Variants in RNF24 observed in about 807,000 individuals in gnomAD.
RNF24 encodes ring finger protein 24.
Under a neutral mutation model 20.0 loss-of-function variants are expected in RNF24, and 14 were observed. The observed-to-expected ratio is 0.70, with a 90% CI of 0.46 to 1.10. The LOEUF (loss-of-function observed/expected upper bound fraction) is 1.10. Ranked by LOEUF, RNF24 falls within the 50% of genes least tolerant of loss-of-function variation. The probability of loss-of-function intolerance (pLI) is 0.00; values close to 1 mark genes in which losing one functional copy is unlikely to be tolerated. For synonymous variants in RNF24, 45 were observed against 61.1 expected, an observed-to-expected ratio of 0.74 and a Z score of 1.23; for missense variants, 124 against 177.6, an observed-to-expected ratio of 0.70 and a Z score of 1.71.
chr20:3,970,630 A>G (rs2091305351), intron 1 of RNF24, among the ~76,000 whole-genome samples: 1 of 152,214 alleles, frequency 6.6e-6, no homozygotes, highest in African/African-American at 2.4e-5. Flanking sequence ...TCAGCAAAGA[A>G]ACAGAAGATA....
chr20:3,998,577 A>C (rs1343449891), intron 1 of RNF24, among the ~76,000 whole-genome samples: 4 of 29,132 alleles, frequency 1.4e-4, no homozygotes, highest in Non-Finnish European at 3.8e-4. Context: ...TCTATCTCAA[A>C]AAAAAAAAAA....
intron 4 of RNF24, among the ~76,000 whole-genome samples, chr20:3,939,988 C>T (rs1035055718): frequency 6.6e-6 from 1 of 151,350 alleles, no homozygotes; most frequent in Admixed American, 6.6e-5. Context: ...GGTGGAGTTT[C>T]GCTTTTGTTG....
chr20:3,949,532 A>G lies in RNF24; in HGVS notation c.144-1253T>C, dbSNP rs1297479256. 2.2e-4 allele frequency among the ~76,000 whole-genome samples: 33 copies of G among 151,984 alleles called. 1 individual carries two copies. The highest frequency in any genetic ancestry group is 1.5e-5 in the Non-Finnish European group (1 of 68,006). On this transcript the variant is annotated intron_variant, in intron 2 of 5. Transcript: ENST00000358395. ...AAAACCTCATCTGTACAAAAAATACAATTAGCTGGGCATGGTGGCGTGTGG... is the reference window on the plus strand; with the variant it reads ...AAAACCTCATCTGTACAAAAAATACGATTAGCTGGGCATGGTGGCGTGTGG...
chr20:3,994,669 T>C (rs935756916), intron 1 of RNF24, among the ~76,000 whole-genome samples: 1 of 152,210 alleles, frequency 6.6e-6, no homozygotes, highest in Non-Finnish European at 1.5e-5. Context: ...CTTTGGACCC[T>C]GTTGAAGCTA....
At chr20:3,991,939 C>T (rs1462638124) in intron 1 of RNF24, among the ~76,000 whole-genome samples, 1 of 148,102 alleles carries the variant, frequency 6.8e-6, no homozygotes, top group African/African-American at 2.5e-5. Context: ...CACACACACA[C>T]GCACACACAC....
chr20:3,954,657 C>A (rs2091120876), intron 2 of RNF24, among the ~76,000 whole-genome samples: 1 of 152,064 alleles, frequency 6.6e-6, no homozygotes. Context: ...GTAATCCCAG[C>A]ACTTTGGGAG....
intron 1 of RNF24, among the ~76,000 whole-genome samples, chr20:3,983,298 T>C (rs569771853): frequency 6.6e-6 from 1 of 152,332 alleles, no homozygotes; most frequent in African/African-American, 2.4e-5. Flanking sequence ...AGCTTATTCA[T>C]ACAGGTTTTG....
chr20:3,996,197 T>C (rs1330398374), intron 1 of RNF24, among the ~76,000 whole-genome samples: 1 of 152,178 alleles, frequency 6.6e-6, no homozygotes, highest in African/African-American at 2.4e-5. Flanking sequence ...ACAGACTCAC[T>C]GGAAAAATTT....
chr20:3,974,389 G>C, intron 1 of RNF24: 3 of 1,548,336 alleles, frequency 1.9e-6, no homozygotes, highest in Non-Finnish European at 2.6e-6. Flanking sequence ...ATTCAACATA[G>C]TGCTGGAAGT....
rs1284779787 is a variant in RNF24, at chr20:4,015,524, G to C, written c.-95C>G. The C allele has an allele frequency of 2.7e-5, 4 of 150,908 alleles. No homozygotes were observed. Among genetic ancestry groups the C allele is most frequent in the African/African-American group, 7.3e-5 (3 of 41,230 alleles). The allele number at this position is 150,908 out of a possible 1,614,324, so 9.3% of individuals were successfully genotyped here. A position where few individuals can be genotyped will look rare whatever the true frequency, so the allele number is the denominator to read the frequency against. Reference sequence around the variant, plus strand: ...GCTGCGGGCGGCGAGCGTCCGTCCGGACAGAGCGCGGCGGAGGTGGCGGCG... The same window carrying C: ...GCTGCGGGCGGCGAGCGTCCGTCCGCACAGAGCGCGGCGGAGGTGGCGGCG... On this transcript the variant is annotated 5_prime_UTR_variant, in exon 1 of 6. Coordinates refer to ENST00000358395, the MANE Select transcript of RNF24 (RefSeq NM_001134337.3).
chr20:3,970,923 G>A (rs555971327), intron 1 of RNF24, among the ~76,000 whole-genome samples: 1 of 152,228 alleles, frequency 6.6e-6, no homozygotes, highest in Non-Finnish European at 1.5e-5. Context: ...GTGGGCACCT[G>A]TAATCCCAGC....
At position 3,964,006 on chromosome 20, in the gene RNF24, A is replaced by G. The variant is rs556748524; in HGVS notation, c.12T>C (p.Asp4=). 2 of 1,613,382 alleles carry G rather than the reference A, an allele frequency of 1.2e-6. No individual in the cohort carries two copies. Among genetic ancestry groups the G allele is most frequent in the Non-Finnish European group, 1.7e-6 (2 of 1,179,754 alleles). The change falls in exon 2 of 6, where the codon GAT becomes GAC. Residue 4 remains aspartate, a synonymous_variant. Coordinates refer to ENST00000358395, the MANE Select transcript of RNF24 (RefSeq NM_001134337.3). The stretch of plus-strand genomic sequence containing the variant: ...GCATCCTGAAGTTGTAATGTGGGAA[A>G]TCCGAGCTCATGGATGAACTGTGGG... MSS[D]FPHYNFRMPN... is the part of the protein sequence containing the mutation.
intron 1 of RNF24, among the ~76,000 whole-genome samples, chr20:4,014,901 G>T (rs1267568763): frequency 1.3e-5 from 2 of 152,272 alleles, no homozygotes; most frequent in Non-Finnish European, 1.5e-5. Context: ...TCTCCACCCC[G>T]ACCACTGCCA....
intron 1 of RNF24, among the ~76,000 whole-genome samples, chr20:4,006,096 G>A (rs1981846815): frequency 1.3e-5 from 2 of 152,156 alleles, no homozygotes; most frequent in South Asian, 4.1e-4. Flanking sequence ...ATGGTTTATG[G>A]CTAGGTGTGG....
chr20:3,934,308 G>T lies in RNF24; in HGVS notation c.309-107C>A. ...TCACCCAGACAACGTCTGCTGTATG[G>T]TCCAAGGAGCTCCCCTCCTAGGTGG... On this transcript the variant is annotated intron_variant, in intron 5 of 5. Coordinates refer to ENST00000358395, the MANE Select transcript of RNF24 (RefSeq NM_001134337.3). This position sits in a 1 kb window ranked among gnomAD's most constrained non-coding sequence, Gnocchi z 4.0. The T allele has an allele frequency of 8.7e-7, 1 of 1,145,788 alleles. No individual in the cohort carries two copies. The highest frequency in any genetic ancestry group is 1.2e-6 in the Non-Finnish European group (1 of 831,706). The allele number at this position is 1,145,788 out of a possible 1,614,324, so 71.0% of individuals were successfully genotyped here. A position where few individuals can be genotyped will look rare whatever the true frequency, so the allele number is the denominator to read the frequency against.
intron 2 of RNF24, among the ~76,000 whole-genome samples, chr20:3,960,329 A>G (rs2091187740): frequency 6.6e-6 from 1 of 152,238 alleles, no homozygotes; most frequent in African/African-American, 2.4e-5. Context: ...TGTTAAAGGT[A>G]ACAAATTAGG....
intron 1 of RNF24, among the ~76,000 whole-genome samples, chr20:3,987,659 T>C (rs1301551451): frequency 6.6e-6 from 1 of 152,164 alleles, no homozygotes; most frequent in East Asian, 1.9e-4. Context: ...TCTTAAAAAT[T>C]TGGTGTTTCC....
intron 1 of RNF24, among the ~76,000 whole-genome samples, chr20:3,966,270 A>G (rs1022334101): frequency 2.6e-5 from 4 of 152,138 alleles, no homozygotes; most frequent in Non-Finnish European, 5.9e-5. Context: ...GCAAAGCTGG[A>G]TGCTTGCTCC....
chr20:3,945,154 G>A, intron 4 of RNF24, 23 bp downstream of exon 4: 2 of 1,595,238 alleles, frequency 1.3e-6, no homozygotes, highest in Non-Finnish European at 1.7e-6. Context: ...TGGCTCAAGA[G>A]GATTTACTTA....
Sources: allele counts gnomAD v4.1 joint callset (sites outside exome capture counted in the v4.1 genomes callset), GRCh38; gene constraint gnomAD v4.1.1; non-coding constraint Gnocchi (gnomAD v3.1); transcripts MANE v1.5; gene names NCBI Gene and HGNC (gene_info 2026-07-23, HGNC 2026-07-21).